SGCE: variants seen among roughly 807,000 people sequenced by gnomAD.
The protein encoded by SGCE is sarcoglycan epsilon.
A neutral mutation model predicts 57.8 loss-of-function variants in SGCE; 26 were observed. That is an observed-to-expected ratio of 0.45 (90% CI 0.33 to 0.62). SGCE has a LOEUF of 0.62. Among genes scored for constraint, SGCE ranks in the 20% least tolerant of loss-of-function variants. The pLI is 0.02. For synonymous variants in SGCE, 183 were observed against 189.5 expected, an observed-to-expected ratio of 0.97 and a Z score of 0.28; for missense variants, 468 against 548.6, an observed-to-expected ratio of 0.85 and a Z score of 1.47.
chr7:94,655,567 C>T (rs1158370722), intron 1 of SGCE, among the ~76,000 whole-genome samples: 1 of 152,162 alleles, frequency 6.6e-6, no homozygotes, highest in Non-Finnish European at 1.5e-5. Flanking sequence ...GCTTGACACC[C>T]ATTTCCTTTG....
chr7:94,605,995 A>G (rs768341800), intron 5 of SGCE, among the ~76,000 whole-genome samples: 18 of 151,852 alleles, frequency 1.2e-4, no homozygotes, highest in Non-Finnish European at 2.2e-4. Context: ...CACCCAGCTA[A>G]TTTTTGTATT....
intron 1 of SGCE, among the ~76,000 whole-genome samples, chr7:94,638,713 A>G (rs992504966): frequency 6.6e-6 from 1 of 151,978 alleles, no homozygotes; most frequent in African/African-American, 2.4e-5. Context: ...TAATATTTTG[A>G]CTGTTAAGTA....
At chr7:94,599,759 G>A (rs1291025614) in intron 7 of SGCE, 36 bp from the exon 8 acceptor site, 2 of 1,393,292 alleles carry the variant, frequency 1.4e-6, no homozygotes, top group South Asian at 1.2e-5. Flanking sequence ...TTAAATAATA[G>A]CATTGATATT....
chr7:94,651,141 A>G (rs1253543680), intron 1 of SGCE, among the ~76,000 whole-genome samples: 1 of 152,290 alleles, frequency 6.6e-6, no homozygotes, highest in East Asian at 1.9e-4. Flanking sequence ...TCATTTTCCT[A>G]AAGAACTGCC....
chr7:94,642,826 A>G (rs1033375154), intron 1 of SGCE, among the ~76,000 whole-genome samples: 2 of 152,220 alleles, frequency 1.3e-5, no homozygotes, highest in African/African-American at 4.8e-5. Context: ...AGCAACATTT[A>G]GATTTAACTG....
chr7:94,623,440 T>C (rs2272091), intron 3 of SGCE, 43 bp from the exon 4 acceptor site: 2 of 1,239,844 alleles, frequency 1.6e-6, no homozygotes, highest in East Asian at 2.4e-5. Context: ...GAAATGTTCT[T>C]TGTAAAATGA....
chr7:94,603,140 G>A (rs755067897), intron 6 of SGCE, 150 bp downstream of exon 6: 15 of 627,874 alleles, frequency 2.4e-5, no homozygotes, highest in South Asian at 3.8e-5. Flanking sequence ...CACTGTCAAC[G>A]AGCTTACCAG....
At chr7:94,649,608 G>T (rs1584778982) in intron 1 of SGCE, among the ~76,000 whole-genome samples, 1 of 152,302 alleles carries the variant, frequency 6.6e-6, no homozygotes, top group Non-Finnish European at 1.5e-5. Context: ...CAACAACAGG[G>T]ATGCAAGCCA....
chr7:94,607,602 T>C (rs1162106104), intron 5 of SGCE, among the ~76,000 whole-genome samples: 1 of 151,992 alleles, frequency 6.6e-6, no homozygotes, highest in African/African-American at 2.4e-5. Context: ...CAATGGCAAT[T>C]TGTGAAAAAA....
chr7:94,587,965 C>G, intron 10 of SGCE: 5 of 1,424,252 alleles, frequency 3.5e-6, no homozygotes, highest in Non-Finnish European at 4.6e-6. Flanking sequence ...ACCCAACTTA[C>G]ATTTTTAAAA....
chr7:94,628,198 T>C lies in SGCE; in HGVS notation c.390+4A>G. ...TAGTTTTGCTCTTTCTAGGTGTAAA[T>C]TACCTCAATGATTGTTGGCTTCCCC... On this transcript the variant is annotated splice_donor_region_variant and intron_variant, in intron 3 of 10. Coordinates refer to ENST00000648936, the MANE Select transcript of SGCE (RefSeq NM_003919.3). The C allele has an allele frequency of 1.2e-6, 2 of 1,608,434 alleles. No individual in the cohort carries two copies. Among genetic ancestry groups the C allele is most frequent in the Non-Finnish European group, 1.7e-6 (2 of 1,176,228 alleles).
chr7:94,653,585 A>G (rs1808179029), intron 1 of SGCE, among the ~76,000 whole-genome samples: 1 of 152,098 alleles, frequency 6.6e-6, no homozygotes, highest in African/African-American at 2.4e-5. Context: ...TGTTCTAGAC[A>G]ACACAAAAAT....
At chr7:94,636,521 C>G (rs1805608395) in intron 1 of SGCE, among the ~76,000 whole-genome samples, 1 of 152,038 alleles carries the variant, frequency 6.6e-6, no homozygotes, top group African/African-American at 2.4e-5. Flanking sequence ...GGACCCATAA[C>G]TAGAAAATAG....
chr7:94,600,215 A>G (rs1178464367), intron 7 of SGCE: 1 of 191,258 alleles, frequency 5.2e-6, no homozygotes. Context: ...TATATTTTAA[A>G]CATTAAATTG....
chr7:94,592,387 C>T (rs921355929), intron 9 of SGCE, among the ~76,000 whole-genome samples: 1 of 151,966 alleles, frequency 6.6e-6, no homozygotes, highest in Non-Finnish European at 1.5e-5. Flanking sequence ...AGCGGGGGGT[C>T]GACTTCAAAT....
chr7:94,589,035 T>C, intron 9 of SGCE: 1 of 392,658 alleles, frequency 2.5e-6, no homozygotes, highest in South Asian at 2.5e-5. Flanking sequence ...AGAAATAGCC[T>C]TGGAGATCCA....
intron 8 of SGCE, chr7:94,599,435 A>T (rs762635627): frequency 2.1e-6 from 1 of 467,282 alleles, no homozygotes; most frequent in African/African-American, 2.0e-5. Context: ...AAATCACATA[A>T]TATAAATGGT....
At chr7:94,606,221 C>T (rs1800114331) in intron 5 of SGCE, among the ~76,000 whole-genome samples, 2 of 152,240 alleles carry the variant, frequency 1.3e-5, no homozygotes, top group South Asian at 2.1e-4. Context: ...CAACTATACT[C>T]TTTATAAAAA....
At chr7:94,617,634 G>A (rs1482307974) in intron 5 of SGCE, 1 of 152,142 alleles carries the variant, frequency 6.6e-6, no homozygotes, top group Non-Finnish European at 1.5e-5. Context: ...AGCCAACTAG[G>A]TACATAGACA....
Sources: allele counts gnomAD v4.1 joint callset (sites outside exome capture counted in the v4.1 genomes callset), GRCh38; gene constraint gnomAD v4.1.1; transcripts MANE v1.5; gene names NCBI Gene and HGNC (gene_info 2026-07-23, HGNC 2026-07-21).